Variants in AMBRA1 observed in about 807,000 individuals in gnomAD.
AMBRA1 encodes activating molecule in BECN1-regulated autophagy protein 1.
A neutral mutation model predicts 125.4 loss-of-function variants in AMBRA1; 47 were observed. The ratio of observed to expected loss-of-function variants is 0.37; its 90% CI spans 0.30 to 0.48. The LOEUF is 0.48. Ranked by LOEUF, AMBRA1 falls within the 20% of genes least tolerant of loss-of-function variation. The pLI, the probability that AMBRA1 is intolerant of heterozygous loss-of-function variation, is 0.99. For synonymous variants in AMBRA1, 626 were observed against 655.5 expected, an observed-to-expected ratio of 0.95 and a Z score of 0.69; for missense variants, 1,331 against 1,693.4, an observed-to-expected ratio of 0.79 and a Z score of 3.76.
chr11:46,415,421 G>A (rs1057003856), intron 15 of AMBRA1, among the ~76,000 whole-genome samples: 11 of 152,180 alleles, frequency 7.2e-5, no homozygotes, highest in African/African-American at 2.2e-4. Flanking sequence ...CATTGCTTTC[G>A]TCAGAATTTT....
intron 1 of AMBRA1, among the ~76,000 whole-genome samples, chr11:46,589,218 C>G (rs1404162757): frequency 6.6e-6 from 1 of 152,118 alleles, no homozygotes; most frequent in Non-Finnish European, 1.5e-5. Flanking sequence ...CTGACAATAA[C>G]TAATCATAAA....
intron 9 of AMBRA1, among the ~76,000 whole-genome samples, chr11:46,505,703 G>T (rs538422684): frequency 6.6e-6 from 1 of 151,820 alleles, no homozygotes; most frequent in Admixed American, 6.6e-5. Flanking sequence ...CAGGTGGGCT[G>T]GGGGGAGCAT....
chr11:46,408,432 G>T, intron 17 of AMBRA1, 81 bp downstream of exon 17: 4 of 1,349,532 alleles, frequency 3.0e-6, no homozygotes, highest in South Asian at 1.8e-5. Context: ...ATGGGAGGGG[G>T]TATGCATCCT....
chr11:46,512,533 A>T (rs1951302523), intron 8 of AMBRA1, among the ~76,000 whole-genome samples, 194 bp downstream of exon 8: 1 of 152,078 alleles, frequency 6.6e-6, no homozygotes, highest in African/African-American at 2.4e-5. Flanking sequence ...CTTGGTCATA[A>T]CCCTCTGTCA....
intron 13 of AMBRA1, 95 bp downstream of exon 13, chr11:46,434,754 A>C: frequency 7.6e-7 from 1 of 1,310,326 alleles, no homozygotes. Flanking sequence ...GCAGTATGTG[A>C]CCATTACTCC....
chr11:46,491,807 T>C (rs1950474169), intron 11 of AMBRA1, among the ~76,000 whole-genome samples: 1 of 152,142 alleles, frequency 6.6e-6, no homozygotes, highest in Non-Finnish European at 1.5e-5. Context: ...TCCATAAGTG[T>C]AATTAGGCCA....
chr11:46,516,389 C>T (rs985477927), intron 7 of AMBRA1, among the ~76,000 whole-genome samples: 31 of 150,476 alleles, frequency 2.1e-4, no homozygotes, highest in Non-Finnish European at 3.7e-4. Context: ...GGAATGTTTA[C>T]CACCATTGCT....
At position 46,454,551 on chromosome 11, in the gene AMBRA1, C is replaced by T. The variant is rs552051723; in HGVS notation, c.2522-10953G>A. ...GAGATCGAGACCATCCTGGCTAACA[C>T]GGTGAAACCCCATCTCCACTAAAAA... On this transcript the variant is annotated intron_variant, in intron 11 of 17. Transcript: ENST00000683756. 4.5e-3 allele frequency among the ~76,000 whole-genome samples: 607 copies of T among 136,112 alleles called. 3 individuals are homozygous for T. Among genetic ancestry groups the T allele is most frequent in the Non-Finnish European group, 4.2e-3 (272 of 65,040 alleles). The allele number at this position is 136,112 out of a possible 152,430, so 89.3% of individuals were successfully genotyped here.
chr11:46,409,254 G>A (rs1214351176), intron 16 of AMBRA1, among the ~76,000 whole-genome samples: 3 of 151,410 alleles, frequency 2.0e-5, no homozygotes, highest in Non-Finnish European at 4.4e-5. Flanking sequence ...CACCCAGGCT[G>A]TAGTGGCGCA....
At chr11:46,468,972 C>G (rs1318227089) in intron 11 of AMBRA1, among the ~76,000 whole-genome samples, 9 of 151,538 alleles carry the variant, frequency 5.9e-5, no homozygotes, top group Admixed American at 5.3e-4. Flanking sequence ...GGCAAAACCC[C>G]GTCTCTACTA....
chr11:46,512,633 G>C, intron 8 of AMBRA1, 94 bp downstream of exon 8: 1 of 915,256 alleles, frequency 1.1e-6, no homozygotes, highest in Non-Finnish European at 1.7e-6. Flanking sequence ...AGAGCACCAG[G>C]ACCAGAGAGG....
rs547107788 is a variant in AMBRA1, at chr11:46,516,195, CAT to C, written c.2073-3384_2073-3383del. Among the ~76,000 whole-genome samples, 537 of 152,220 alleles carry C rather than the reference CAT, an allele frequency of 3.5e-3. 3 individuals carry two copies. Among genetic ancestry groups the C allele is most frequent in the Non-Finnish European group, 6.2e-3 (419 of 68,000 alleles). ...ACAATATAGTGGAACTGGCAAGCCACATATATATGTCACTTTACTGCTAATGC... is the reference window on the plus strand; with the variant it reads ...ACAATATAGTGGAACTGGCAAGCCACATATATGTCACTTTACTGCTAATGC... On this transcript the variant is annotated intron_variant, in intron 7 of 17. Coordinates refer to ENST00000683756, the MANE Select transcript of AMBRA1 (RefSeq NM_001387011.1).
intron 17 of AMBRA1, among the ~76,000 whole-genome samples, chr11:46,401,289 G>A (rs1327872218): frequency 6.6e-6 from 1 of 152,128 alleles, no homozygotes; most frequent in Non-Finnish European, 1.5e-5. Flanking sequence ...CGCCCAGACT[G>A]GAGTGCAGTG....
intron 1 of AMBRA1, among the ~76,000 whole-genome samples, 169 bp from the exon 2 acceptor site, chr11:46,548,669 C>T (rs1364846841): frequency 6.6e-6 from 1 of 152,202 alleles, no homozygotes; most frequent in African/African-American, 2.4e-5. Flanking sequence ...TTCATACTCT[C>T]ATATTCTCCA....
intron 11 of AMBRA1, among the ~76,000 whole-genome samples, chr11:46,467,408 T>C (rs1416593857): frequency 6.6e-6 from 1 of 152,218 alleles, no homozygotes; most frequent in Non-Finnish European, 1.5e-5. Context: ...AATTCGTATT[T>C]CCTTTCACAT....
intron 1 of AMBRA1, among the ~76,000 whole-genome samples, chr11:46,583,697 C>T (rs2044265177): frequency 7.7e-6 from 1 of 129,164 alleles, no homozygotes; most frequent in South Asian, 2.7e-4. Context: ...ACAACCCCAT[C>T]AAAAAGTGGG....
intron 1 of AMBRA1, among the ~76,000 whole-genome samples, chr11:46,559,298 C>CAA (rs35357993): frequency 3.5e-5 from 5 of 141,320 alleles, no homozygotes; most frequent in South Asian, 4.5e-4. Context: ...GACCCTGTCT[C>CAA]AAAAAAAAAA....
chr11:46,456,885 A>C (rs1384393956), intron 11 of AMBRA1, among the ~76,000 whole-genome samples: 4 of 152,220 alleles, frequency 2.6e-5, no homozygotes, highest in Non-Finnish European at 5.9e-5. Context: ...TTTCAGCAGC[A>C]CCAGTCCCCA....
chr11:46,578,123 TAAAAG>T lies in AMBRA1; in HGVS notation c.-121+15700_-121+15704del, dbSNP rs2044024742. ...AGAAAGTGTGTCTCAAATAAACAAA[TAAAAG>T]AATGCTAGGAGAACTAAAAAGGACA... On this transcript the variant is annotated intron_variant, in intron 1 of 17. Transcript: ENST00000683756. Among the ~76,000 whole-genome samples the T allele has an allele frequency of 3.9e-5, 6 of 151,906 alleles. No individual in the cohort carries two copies. The South Asian group carries it at 1.2e-3, about 32-fold the overall frequency.
Sources: gnomAD v4.1 joint callset for allele counts (sites outside exome capture counted in the v4.1 genomes callset) on GRCh38, gnomAD v4.1.1 for gene constraint, MANE v1.5 for transcripts, NCBI Gene and HGNC (gene_info 2026-07-23, HGNC 2026-07-21) for gene names.